PAK1: variants seen among roughly 807,000 people sequenced by gnomAD.
PAK1 encodes the protein serine/threonine-protein kinase PAK 1.
Under a neutral mutation model 67.4 loss-of-function variants are expected in PAK1, and 29 were observed. The ratio of observed to expected loss-of-function variants is 0.43; its 90% confidence interval spans 0.32 to 0.59. PAK1 has a LOEUF of 0.59. Ranked by LOEUF, PAK1 falls within the 20% of genes least tolerant of loss-of-function variation. The pLI is 0.07. For synonymous variants in PAK1, 223 were observed against 237.4 expected (o/e 0.94, Z 0.56); for missense variants, 337 against 670.7 (o/e 0.50, Z 5.50).
intron 1 of PAK1, among the ~76,000 whole-genome samples, chr11:77,435,116 T>C (rs1234775094): frequency 1.0e-3 from 25 of 24,650 alleles, no homozygotes; most frequent in African/African-American, 5.2e-3. Context: ...CCTGTGAATA[T>C]ACAAAAAAAA....
At chr11:77,347,370 G>T (rs765200187) in intron 9 of PAK1, among the ~76,000 whole-genome samples, 2 of 152,102 alleles carry the variant, frequency 1.3e-5, no homozygotes, top group Non-Finnish European at 1.5e-5. Context: ...AGGAGTCAAA[G>T]ATTCTAATCC....
At chr11:77,514,202 A>G in the PAK1 span, among the ~76,000 whole-genome samples, 3 of 152,166 alleles carry the variant, frequency 2.0e-5, no homozygotes, top group African/African-American at 7.2e-5. Flanking sequence ...ACTAAGTATA[A>G]GACAGTCACA....
At chr11:77,482,006 T>G in the PAK1 span, among the ~76,000 whole-genome samples, 1 of 152,188 alleles carries the variant, frequency 6.6e-6, no homozygotes, top group African/African-American at 2.4e-5. Context: ...TCTTTTTTTT[T>G]GAGATGGAGT....
At chr11:77,437,955 A>C (rs1956201526) in intron 1 of PAK1, among the ~76,000 whole-genome samples, 1 of 152,184 alleles carries the variant, frequency 6.6e-6, no homozygotes, top group Admixed American at 6.5e-5. Context: ...GCTGCTTCCA[A>C]GAGCTAACTC....
At chr11:77,493,075 G>C in the PAK1 span, among the ~76,000 whole-genome samples, 1 of 152,048 alleles carries the variant, frequency 6.6e-6, no homozygotes, top group Admixed American at 6.6e-5. Flanking sequence ...ATACACTCCT[G>C]CCTCAGCCTC....
At chr11:77,494,911 C>T in the PAK1 span, among the ~76,000 whole-genome samples, 30 of 152,162 alleles carry the variant, frequency 2.0e-4, no homozygotes, top group Non-Finnish European at 3.8e-4. Flanking sequence ...CATCTGTAAT[C>T]CCAGCATTTT....
chr11:77,492,365 A>T, the PAK1 span, among the ~76,000 whole-genome samples: 1 of 151,994 alleles, frequency 6.6e-6, no homozygotes, highest in East Asian at 1.9e-4. Context: ...CAACAAAAAA[A>T]AAAACTCAAA....
At chr11:77,489,311 T>G in the PAK1 span, among the ~76,000 whole-genome samples, 1 of 152,192 alleles carries the variant, frequency 6.6e-6, no homozygotes, top group South Asian at 2.1e-4. Flanking sequence ...ATGCTAAAGA[T>G]AGTTCTTCAA....
intron 5 of PAK1, among the ~76,000 whole-genome samples, chr11:77,365,229 G>A (rs577972119): frequency 1.2e-3 from 163 of 135,072 alleles, no homozygotes; most frequent in African/African-American, 4.4e-3. Context: ...TCCAGCCTGG[G>A]TGACAGAGCA....
At chr11:77,392,681 A>T (rs1172246225) in intron 1 of PAK1, 140 bp from the exon 2 acceptor site, 1 of 541,522 alleles carries the variant, frequency 1.8e-6, no homozygotes, top group African/African-American at 1.9e-5. Context: ...GCACACCATG[A>T]TATTGCTAAC....
the PAK1 span, among the ~76,000 whole-genome samples, chr11:77,496,170 C>A: frequency 9.9e-5 from 15 of 151,960 alleles, no homozygotes; most frequent in South Asian, 3.1e-3. Flanking sequence ...AGGCGCCCAC[C>A]ACCATGCCTG....
intron 9 of PAK1, among the ~76,000 whole-genome samples, chr11:77,348,194 C>T (rs952631320): frequency 2.0e-5 from 3 of 152,204 alleles, no homozygotes; most frequent in African/African-American, 7.2e-5. Flanking sequence ...GCCTCCCTCA[C>T]AGAAGCCCAA....
chr11:77,460,246 GA>G (rs1466415559), intron 1 of PAK1, among the ~76,000 whole-genome samples: 3 of 150,962 alleles, frequency 2.0e-5, no homozygotes, highest in Non-Finnish European at 4.4e-5. Context: ...GGAAGGGAGG[GA>G]GGGAGTCAGC....
chr11:77,414,594 A>G (rs1954847284), intron 1 of PAK1, among the ~76,000 whole-genome samples: 1 of 152,276 alleles, frequency 6.6e-6, no homozygotes, highest in African/African-American at 2.4e-5. Context: ...AAATAGACCC[A>G]CACAAATGTG....
intron 5 of PAK1, among the ~76,000 whole-genome samples, chr11:77,367,805 C>T (rs1452728974): frequency 2.6e-5 from 4 of 152,034 alleles, no homozygotes; most frequent in South Asian, 2.1e-4. Context: ...GGTGAAACCC[C>T]GTCTCTACTA....
chr11:77,483,197 C>CAA, the PAK1 span, among the ~76,000 whole-genome samples: 215 of 102,132 alleles, frequency 2.1e-3, 2 homozygotes, highest in South Asian at 7.0e-3. Context: ...GACTCCATCT[C>CAA]AAAAAAAAAA....
chr11:77,336,819 A>G (rs989900810), intron 12 of PAK1, among the ~76,000 whole-genome samples: 12 of 152,096 alleles, frequency 7.9e-5, no homozygotes, highest in African/African-American at 2.9e-4. Context: ...TTTGAACAAA[A>G]TGCTCTACCT....
chr11:77,457,600 A>G (rs543870929), intron 1 of PAK1, among the ~76,000 whole-genome samples: 1 of 152,286 alleles, frequency 6.6e-6, no homozygotes, highest in East Asian at 1.9e-4. Context: ...GAAAGCAACA[A>G]TTGGCTGACC....
At chr11:77,352,853 T>C (rs552323) in intron 8 of PAK1, among the ~76,000 whole-genome samples, 1 of 152,168 alleles carries the variant, frequency 6.6e-6, no homozygotes, top group East Asian at 1.9e-4. Flanking sequence ...TAGGCTATAC[T>C]ATTTAGTTTT....
Sources: allele counts gnomAD v4.1 joint callset (sites outside exome capture counted in the v4.1 genomes callset), GRCh38; gene constraint gnomAD v4.1.1; transcripts MANE v1.5; gene names NCBI Gene and HGNC (gene_info 2026-07-23, HGNC 2026-07-21).